The following ZNF746 variants were observed in gnomAD, a reference collection of about 807,000 sequenced individuals.
ZNF746 encodes zinc finger protein 746.
ZNF746 carries 13 observed loss-of-function variants against 41.0 expected under a neutral mutation model. The ratio of observed to expected loss-of-function variants is 0.32; its 90% CI spans 0.21 to 0.50. ZNF746 has a LOEUF of 0.50. ZNF746 is among the 20% of genes least tolerant of loss of function. The probability of loss-of-function intolerance (pLI) is 0.98; values close to 1 mark genes in which losing one functional copy is unlikely to be tolerated. For missense variants in ZNF746, 811 were observed against 922.9 expected, an observed-to-expected ratio of 0.88 and a Z score of 1.57; for synonymous variants, 424 against 396.2, an observed-to-expected ratio of 1.07 and a Z score of -0.83.
In ZNF746 at chr7:149,474,115, AAAAAAAC is replaced by A. The variant is rs375459425; in HGVS notation, c.*262_*268del. ...TTCCAGCTTTTTCCTCAAGAATTAA[AAAAAAAC>A]AAAAAACAAAAAACAAAACAGGTTT... On this transcript the variant is annotated 3_prime_UTR_variant, in exon 7 of 7. Transcript: ENST00000458143. This position sits in a 1 kb window ranked among gnomAD's most constrained non-coding sequence, Gnocchi z 6.3. 1,980 of 502,036 alleles carry A rather than the reference AAAAAAAC, an allele frequency of 3.9e-3. 11 individuals carry two copies. The highest frequency in any genetic ancestry group is 3.7e-3 in the African/African-American group (189 of 51,326). The allele number at this position is 502,036 out of a possible 1,614,324, so 31.1% of individuals were successfully genotyped here.
chr7:149,479,750 G>A (rs1313824124), intron 4 of ZNF746, among the ~76,000 whole-genome samples: 2 of 152,154 alleles, frequency 1.3e-5, no homozygotes, highest in East Asian at 1.9e-4. Flanking sequence ...AAATTGCTGA[G>A]TAGGCTGGGT....
chr7:149,477,592 T>C lies in ZNF746; in HGVS notation c.729A>G (p.Ala243=). The stretch of plus-strand genomic sequence containing the variant: ...AGGTGGCATCCGTGGAGATGTCTCC[T>C]GCTCCGGAATCCAGCTGGCTGAGGC... ...PWGLSQLDSG[A]GDISTDATSG... The change falls in exon 5 of 7, where the codon GCA becomes GCG. Residue 243 remains alanine (A), a synonymous_variant. Transcript: ENST00000458143. The C allele has an allele frequency of 6.2e-7, 1 of 1,612,852 alleles. No homozygotes were observed.
In ZNF746 at chr7:149,496,036, A is replaced by T. The variant is rs148480258; in HGVS notation, c.24+1477T>A. 3.2e-3 allele frequency among the ~76,000 whole-genome samples: 482 copies of T among 152,244 alleles called. 4 individuals carry two copies. The highest frequency in any genetic ancestry group is 0.011 in the African/African-American group (460 of 41,522). On this transcript the variant is annotated intron_variant, in intron 1 of 6. Transcript: ENST00000458143. ...TCCCTCACCTCTCCTTTCTCAGATC[A>T]ATCCCTGTCACGTGATCCCAGACGC...
At chr7:149,493,503 G>A (rs1800882233) in intron 3 of ZNF746, among the ~76,000 whole-genome samples, 1 of 152,208 alleles carries the variant, frequency 6.6e-6, no homozygotes, top group Non-Finnish European at 1.5e-5. Flanking sequence ...GAGAAGAGCA[G>A]TAGCCCCAGG....
At chr7:149,479,988 G>A (rs1284114125) in intron 4 of ZNF746, among the ~76,000 whole-genome samples, 2 of 152,254 alleles carry the variant, frequency 1.3e-5, no homozygotes, top group Non-Finnish European at 1.5e-5. Flanking sequence ...AAAAAAGTTA[G>A]CCAGGCATGG....
intron 4 of ZNF746, among the ~76,000 whole-genome samples, chr7:149,486,895 G>A (rs1241128527): frequency 6.6e-6 from 1 of 152,176 alleles, no homozygotes; most frequent in Non-Finnish European, 1.5e-5. Flanking sequence ...TATGTATTTT[G>A]TTTGTTATGT....
At chr7:149,478,909 C>A (rs1452933713) in intron 4 of ZNF746, among the ~76,000 whole-genome samples, 1 of 152,204 alleles carries the variant, frequency 6.6e-6, no homozygotes, top group Non-Finnish European at 1.5e-5. Flanking sequence ...GGCTCAACAA[C>A]AACAGACTGA....
In ZNF746 at chr7:149,474,121, A is replaced by C. The variant is rs189758000; in HGVS notation, c.*263T>G. 6.1e-3 allele frequency: 3,060 copies of C among 504,546 alleles called. 36 individuals are homozygous for C. Among genetic ancestry groups the C allele is most frequent in the Non-Finnish European group, 5.4e-3 (1,535 of 283,994 alleles). 31.3% of individuals were successfully genotyped at this position (504,546 alleles called of 1,614,324 possible). A position where few individuals can be genotyped will look rare whatever the true frequency, so the allele number is the denominator to read the frequency against. ...CTTTTTCCTCAAGAATTAAAAAAAA[A>C]CAAAAAACAAAAAACAAAACAGGTT... On this transcript the variant is annotated 3_prime_UTR_variant, in exon 7 of 7. Coordinates refer to ENST00000458143, the MANE Select transcript of ZNF746 (RefSeq NM_001394198.1). This position sits in a 1 kb window ranked among gnomAD's most constrained non-coding sequence, Gnocchi z 6.3.
chr7:149,484,366 G>A (rs1800563088), intron 4 of ZNF746, among the ~76,000 whole-genome samples: 1 of 152,142 alleles, frequency 6.6e-6, no homozygotes, highest in South Asian at 2.1e-4. Context: ...AGACTGCAAG[G>A]TTGGTTCAAC....
rs752672950 is a variant in ZNF746 at position 149,476,989 on chromosome 7, A to C, written c.816T>G (p.Pro272=). ...AGCATGCTGAAGAGGGATGGTGGGG[A>C]GGGAGATCCGTTTGCCAGGAGGTGG... ...IPPTSWQTDL[P]PHHPSSACSD... is the part of the protein sequence containing the mutation. Residue 272 remains proline (P), a synonymous_variant, in exon 6 of 7, where the codon CCT becomes CCG. Transcript: ENST00000458143. 1 of 1,613,696 alleles carries C rather than the reference A, an allele frequency of 6.2e-7. No individual in the cohort carries two copies. Among genetic ancestry groups the C allele is most frequent in the South Asian group, 1.1e-5 (1 of 91,064 alleles).
rs1800170537 is a variant in ZNF746 at position 149,473,534 on chromosome 7, AGTGG to A, written c.*846_*849del. ...AACAGGAGACAGAAGCATCTCACGG[AGTGG>A]GAGGCAGCCCCAGGTTGGGGTGGGC... On this transcript the variant is annotated 3_prime_UTR_variant, in exon 7 of 7. Transcript: ENST00000458143. 6.6e-6 allele frequency: 1 copy of A among 152,230 alleles called. No homozygotes were observed. The highest frequency in any genetic ancestry group is 1.5e-5 in the Non-Finnish European group (1 of 68,044). The allele number at this position is 152,230 out of a possible 1,614,324, so 9.4% of individuals were successfully genotyped here.
intron 4 of ZNF746, among the ~76,000 whole-genome samples, chr7:149,486,579 A>G (rs563202960): frequency 1.3e-5 from 2 of 152,358 alleles, no homozygotes; most frequent in Non-Finnish European, 1.5e-5. Context: ...TCTCAAAAAC[A>G]TAACGGCAAA....
Position 149,497,770 on chromosome 7 carries a change from C to A in ZNF746, c.-234G>T, listed in dbSNP as rs1376201324. 4.3e-5 allele frequency: 7 copies of A among 163,490 alleles called. No individual in the cohort carries two copies. The East Asian group carries it at 1.3e-3, about 30-fold the overall frequency. 10.1% of individuals were successfully genotyped at this position (163,490 alleles called of 1,614,324 possible). ...GGAGCCGGCGCCGCGGCCCGGCAGACGAAGGCCCGTGAGGCTTCCTGGAGG... is the reference window on the plus strand; with the variant it reads ...GGAGCCGGCGCCGCGGCCCGGCAGAAGAAGGCCCGTGAGGCTTCCTGGAGG... On this transcript the variant is annotated 5_prime_UTR_variant, in exon 1 of 7. Coordinates refer to ENST00000458143, the MANE Select transcript of ZNF746 (RefSeq NM_001394198.1). This position sits in a 1 kb window ranked among gnomAD's most constrained non-coding sequence, Gnocchi z 4.2.
In ZNF746 at chr7:149,497,328, T is replaced by C; in HGVS notation, c.24+185A>G. Reference sequence around the variant, plus strand: ...GCCAGCGCTCGGGTTCGGCTCGGAGTGGGGGCCCGGCCGACGGGCGCAGTA... The same window carrying C: ...GCCAGCGCTCGGGTTCGGCTCGGAGCGGGGGCCCGGCCGACGGGCGCAGTA... On this transcript the variant is annotated intron_variant, in intron 1 of 6. Coordinates refer to ENST00000458143, the MANE Select transcript of ZNF746 (RefSeq NM_001394198.1). This position sits in a 1 kb window ranked among gnomAD's most constrained non-coding sequence, Gnocchi z 4.2. 1 of 983,614 alleles carries C rather than the reference T, an allele frequency of 1.0e-6. No individual in the cohort carries two copies. Among genetic ancestry groups the C allele is most frequent in the Non-Finnish European group, 1.2e-6 (1 of 828,828 alleles). The allele number at this position is 983,614 out of a possible 1,614,324, so 60.9% of individuals were successfully genotyped here. A position where few individuals can be genotyped will look rare whatever the true frequency, so the allele number is the denominator to read the frequency against.
At chr7:149,476,871 A>G (rs372202934) in intron 6 of ZNF746, 51 bp downstream of exon 6, 83 of 1,611,986 alleles carry the variant, frequency 5.1e-5, no homozygotes, top group Non-Finnish European at 6.1e-5. Flanking sequence ...GGACCGAGGT[A>G]CTCCCCACAG....
chr7:149,494,859 T>G lies in ZNF746; in HGVS notation c.25-356A>C, dbSNP rs757139993. Among the ~76,000 whole-genome samples the G allele has an allele frequency of 6.6e-6, 1 of 151,926 alleles. No homozygotes were observed. Among genetic ancestry groups the G allele is most frequent in the Non-Finnish European group, 1.5e-5 (1 of 67,996 alleles). The stretch of plus-strand genomic sequence containing the variant: ...ACACATGGCAGGTACCCAGTGCAAT[T>G]TTGTTACGTAAACAGTGACTTAGCA... On this transcript the variant is annotated intron_variant, in intron 1 of 6. Transcript: ENST00000458143. This position sits in a 1 kb window ranked among gnomAD's most constrained non-coding sequence, Gnocchi z 5.6.
At chr7:149,496,211 T>C (rs1585745218) in intron 1 of ZNF746, among the ~76,000 whole-genome samples, 1 of 152,214 alleles carries the variant, frequency 6.6e-6, no homozygotes, top group East Asian at 1.9e-4. Context: ...TATTAGTCTT[T>C]TACTCATGGA....
Position 149,497,058 on chromosome 7 carries a change from C to G in ZNF746, c.24+455G>C. On this transcript the variant is annotated intron_variant, in intron 1 of 6. Transcript: ENST00000458143. This position sits in a 1 kb window ranked among gnomAD's most constrained non-coding sequence, Gnocchi z 4.2. Reference sequence around the variant, plus strand: ...GCTCTATATTCCCTTCCGCGCCGACCCCGGGAAGCTGGGCACGTAGTGGGA... The same window carrying G: ...GCTCTATATTCCCTTCCGCGCCGACGCCGGGAAGCTGGGCACGTAGTGGGA... The G allele has an allele frequency of 1.0e-6, 1 of 985,414 alleles. No homozygotes were observed. Among genetic ancestry groups the G allele is most frequent in the Non-Finnish European group, 1.2e-6 (1 of 829,928 alleles). 61.0% of individuals were successfully genotyped at this position (985,414 alleles called of 1,614,324 possible). A position where few individuals can be genotyped will look rare whatever the true frequency, so the allele number is the denominator to read the frequency against.
rs751164018 is a variant in ZNF746 at position 149,474,352 on chromosome 7, G to C, written c.*32C>G. Reference sequence around the variant, plus strand: ...CCTGCACACGGGGCTTTTTACACGTGCGGCCGGCAGGGGCTATGGGGCTGG... The same window carrying C: ...CCTGCACACGGGGCTTTTTACACGTCCGGCCGGCAGGGGCTATGGGGCTGG... On this transcript the variant is annotated 3_prime_UTR_variant, in exon 7 of 7. Transcript: ENST00000458143. This position sits in a 1 kb window ranked among gnomAD's most constrained non-coding sequence, Gnocchi z 6.3. 6.3e-7 allele frequency: 1 copy of C among 1,577,438 alleles called. No homozygotes were observed. Among genetic ancestry groups the C allele is most frequent in the Middle Eastern group, 2.0e-4 (1 of 4,906 alleles).
Sources: gnomAD v4.1 joint callset for allele counts (sites outside exome capture counted in the v4.1 genomes callset) on GRCh38, gnomAD v4.1.1 for gene constraint, Gnocchi (gnomAD v3.1) non-coding constraint, MANE v1.5 for transcripts, NCBI Gene and HGNC (gene_info 2026-07-23, HGNC 2026-07-21) for gene names.